The following KCTD9 variants were observed in gnomAD, a reference collection of about 807,000 sequenced individuals.
The protein encoded by KCTD9 is BTB/POZ domain-containing protein KCTD9.
A neutral mutation model predicts 53.3 loss-of-function variants in KCTD9; 17 were observed. That is an observed-to-expected ratio of 0.32 (90% CI 0.22 to 0.48). The LOEUF is 0.48. Among genes scored for constraint, KCTD9 ranks in the 20% least tolerant of loss-of-function variants. KCTD9 has a pLI of 0.99. For synonymous variants in KCTD9, 128 were observed against 162.7 expected (o/e 0.79, Z 1.62); for missense variants, 179 against 465.5 (o/e 0.38, Z 5.66).
At chr8:25,456,238 G>A (rs764936315) in intron 1 of KCTD9, among the ~76,000 whole-genome samples, 10 of 152,224 alleles carry the variant, frequency 6.6e-5, no homozygotes, top group Non-Finnish European at 1.3e-4. Flanking sequence ...AGCGAGGTAA[G>A]GGAGATAAAG....
intron 11 of KCTD9, among the ~76,000 whole-genome samples, chr8:25,431,201 G>T (rs1490472546): frequency 6.6e-6 from 1 of 152,050 alleles, no homozygotes; most frequent in African/African-American, 2.4e-5. Flanking sequence ...GGAATGAGAT[G>T]GGGGGAAGAC....
At chr8:25,454,627 T>G (rs1802397021) in intron 1 of KCTD9, among the ~76,000 whole-genome samples, 1 of 152,124 alleles carries the variant, frequency 6.6e-6, no homozygotes, top group Non-Finnish European at 1.5e-5. Flanking sequence ...ACTGACTCTT[T>G]CGGAGCAGTT....
At position 25,428,579 on chromosome 8, in the gene KCTD9, T is replaced by C. The variant is rs1388041966; in HGVS notation, c.*1278A>G. ...GGTAGAAAATAAGGACACCAAGTCATTGGTAGGGAGGTACAGGCCCTTCCT... is the reference window on the plus strand; with the variant it reads ...GGTAGAAAATAAGGACACCAAGTCACTGGTAGGGAGGTACAGGCCCTTCCT... On this transcript the variant is annotated 3_prime_UTR_variant, in exon 12 of 12. Coordinates refer to ENST00000221200, the MANE Select transcript of KCTD9 (RefSeq NM_017634.4). 6.6e-6 allele frequency: 1 copy of C among 152,394 alleles called. No homozygotes were observed. The highest frequency in any genetic ancestry group is 6.6e-5 in the Admixed American group (1 of 15,258). 9.4% of individuals were successfully genotyped at this position (152,394 alleles called of 1,614,324 possible). A position where few individuals can be genotyped will look rare whatever the true frequency, so the allele number is the denominator to read the frequency against.
intron 10 of KCTD9, among the ~76,000 whole-genome samples, chr8:25,432,984 T>G (rs1801957087): frequency 6.6e-6 from 1 of 152,212 alleles, no homozygotes; most frequent in African/African-American, 2.4e-5. Flanking sequence ...AATCTAAAAA[T>G]GATTTTTAAA....
At chr8:25,439,785 G>C in intron 4 of KCTD9, 121 bp from the exon 5 acceptor site, 1 of 1,523,718 alleles carries the variant, frequency 6.6e-7, no homozygotes, top group South Asian at 1.3e-5. Flanking sequence ...AACCTGGTAG[G>C]AGTAACGCTG....
At position 25,433,438 on chromosome 8, in the gene KCTD9, G is replaced by T; in HGVS notation, c.814-3C>A. 6.4e-7 allele frequency: 1 copy of T among 1,556,950 alleles called. No homozygotes were observed. The highest frequency in any genetic ancestry group is 8.8e-7 in the Non-Finnish European group (1 of 1,139,528). On this transcript the variant is annotated splice_polypyrimidine_tract_variant and splice_region_variant and intron_variant, in intron 9 of 11. Transcript: ENST00000221200. ...TTGACTCCCTGGAGATTCGCACACT[G>T]CAAAGAAAAGAGAAAAGTCCTGGTT...
At chr8:25,446,514 G>A (rs1338844530) in intron 1 of KCTD9, among the ~76,000 whole-genome samples, 1 of 152,086 alleles carries the variant, frequency 6.6e-6, no homozygotes, top group African/African-American at 2.4e-5. Flanking sequence ...CGCTCCAGTT[G>A]TGAAGTAAGA....
chr8:25,456,365 T>C (rs1226686683), intron 1 of KCTD9, among the ~76,000 whole-genome samples: 2 of 152,208 alleles, frequency 1.3e-5, no homozygotes, highest in African/African-American at 4.8e-5. Flanking sequence ...CCAATCCAAT[T>C]AGTCACTTTA....
intron 9 of KCTD9, among the ~76,000 whole-genome samples, chr8:25,434,022 C>T (rs1586423152): frequency 6.6e-6 from 1 of 152,156 alleles, no homozygotes; most frequent in Non-Finnish European, 1.5e-5. Context: ...CATTATTAAC[C>T]CTGAGCAGGC....
At chr8:25,451,710 T>G (rs532700681) in intron 1 of KCTD9, among the ~76,000 whole-genome samples, 1 of 152,202 alleles carries the variant, frequency 6.6e-6, no homozygotes, top group Non-Finnish European at 1.5e-5. Flanking sequence ...CCTAGTACGA[T>G]TGGCTAGTTT....
chr8:25,435,799 G>A (rs2117394608), intron 8 of KCTD9, among the ~76,000 whole-genome samples: 1 of 152,158 alleles, frequency 6.6e-6, no homozygotes, highest in Middle Eastern at 3.4e-3. Flanking sequence ...TCCTATACCT[G>A]CTAATAAGTA....
intron 10 of KCTD9, 61 bp downstream of exon 10, chr8:25,433,269 G>A: frequency 1.1e-6 from 1 of 884,672 alleles, no homozygotes; most frequent in South Asian, 1.5e-5. Flanking sequence ...TATTTTCCAG[G>A]GCTTTTTTCC....
At position 25,453,272 on chromosome 8, in the gene KCTD9, G is replaced by A. The variant is rs140774286; in HGVS notation, c.48+4927C>T. On this transcript the variant is annotated intron_variant, in intron 1 of 11. Transcript: ENST00000221200. ...CTCAGGAGGCTGAGGCAGGAGAATC[G>A]CTTGAACCCAGGAGGCAGAGGTTGC... Among the ~76,000 whole-genome samples, 1,304 of 151,844 alleles carry A rather than the reference G, an allele frequency of 8.6e-3. 19 individuals carry two copies. Among genetic ancestry groups the A allele is most frequent in the African/African-American group, 0.031 (1,266 of 41,372 alleles).
intron 3 of KCTD9, among the ~76,000 whole-genome samples, chr8:25,442,275 T>C (rs993801223): frequency 6.6e-6 from 1 of 152,190 alleles, no homozygotes; most frequent in Non-Finnish European, 1.5e-5. Context: ...TACTGTACTT[T>C]AAAGAAAGAG....
At chr8:25,430,744 C>G (rs1440438679) in intron 11 of KCTD9, among the ~76,000 whole-genome samples, 1 of 152,014 alleles carries the variant, frequency 6.6e-6, no homozygotes, top group Non-Finnish European at 1.5e-5. Flanking sequence ...CAAAACCAGT[C>G]CCTGGTGCCA....
intron 1 of KCTD9, among the ~76,000 whole-genome samples, chr8:25,454,777 A>G (rs186210832): frequency 6.6e-6 from 1 of 152,364 alleles, no homozygotes; most frequent in Admixed American, 6.5e-5. Flanking sequence ...CTGTATATTT[A>G]TGTATTTATG....
chr8:25,457,556 G>A (rs912787381), intron 1 of KCTD9: 1 of 162,050 alleles, frequency 6.2e-6, no homozygotes, highest in Admixed American at 6.5e-5. Flanking sequence ...CCGTCCTCTA[G>A]GGAATCAAAA....
chr8:25,439,218 T>G (rs1802073615), intron 6 of KCTD9, 61 bp downstream of exon 6: 1 of 1,321,548 alleles, frequency 7.6e-7, no homozygotes, highest in Non-Finnish European at 1.0e-6. Context: ...AAAGTTAAAA[T>G]CTTAAACTTA....
At chr8:25,430,808 TACACACACACACACACAC>T (rs139075991) in intron 11 of KCTD9, among the ~76,000 whole-genome samples, 10 of 145,578 alleles carry the variant, frequency 6.9e-5, no homozygotes, top group East Asian at 4.1e-4. Context: ...ACATAATAAA[TACACACACACACACACAC>T]ACACACACAC....
Sources: gnomAD v4.1 joint callset for allele counts (sites outside exome capture counted in the v4.1 genomes callset) on GRCh38, gnomAD v4.1.1 for gene constraint, MANE v1.5 for transcripts, NCBI Gene and HGNC (gene_info 2026-07-23, HGNC 2026-07-21) for gene names.